TEX2: variants seen among roughly 807,000 people sequenced by gnomAD.
The protein encoded by TEX2 is testis expressed 2.
In TEX2, 53 loss-of-function variants were observed where a neutral mutation model predicts 106.9. That is an observed-to-expected ratio of 0.50 (90% CI 0.40 to 0.62). The LOEUF (loss-of-function observed/expected upper bound fraction) is 0.62. TEX2 is among the 20% of genes least tolerant of loss of function. The probability of loss-of-function intolerance (pLI) is 0.00; values close to 1 mark genes in which losing one functional copy is unlikely to be tolerated. For synonymous variants in TEX2, 523 were observed against 534.8 expected, an observed-to-expected ratio of 0.98 and a Z score of 0.30; for missense variants, 1,207 against 1,379.0, an observed-to-expected ratio of 0.88 and a Z score of 1.98.
At chr17:64,191,635 A>T (rs918394186) in intron 4 of TEX2, among the ~76,000 whole-genome samples, 1 of 152,074 alleles carries the variant, frequency 6.6e-6, no homozygotes, top group Non-Finnish European at 1.5e-5. Flanking sequence ...TGACCAACAT[A>T]GTGAAATCCT....
At chr17:64,234,382 T>C (rs568715195) in intron 1 of TEX2, among the ~76,000 whole-genome samples, 14 of 152,230 alleles carry the variant, frequency 9.2e-5, no homozygotes, top group Non-Finnish European at 1.9e-4. Flanking sequence ...TGATTAGCGT[T>C]GAGTTTGTTG....
Position 64,242,605 on chromosome 17 carries a change from G to A in TEX2, c.-26+20563C>T, listed in dbSNP as rs111517818. 7.7e-3 allele frequency among the ~76,000 whole-genome samples: 1,172 copies of A among 152,166 alleles called. 15 individuals are homozygous for A. Among genetic ancestry groups the A allele is most frequent in the African/African-American group, 0.026 (1,093 of 41,504 alleles). On this transcript the variant is annotated intron_variant, in intron 1 of 11. Coordinates refer to ENST00000584379, the MANE Select transcript of TEX2 (RefSeq NM_001288732.2). ...AGAGGACTGCAGTTTCAGACCTGTG[G>A]TGCCAGGGCCTGCCTCTGAACCAGA... is the stretch of plus-strand genomic sequence containing the variant.
At chr17:64,166,492 G>A (rs868762553) in intron 7 of TEX2, among the ~76,000 whole-genome samples, 14 of 152,208 alleles carry the variant, frequency 9.2e-5, no homozygotes, top group Middle Eastern at 3.2e-3. Context: ...CTGCTGACCC[G>A]GGCAAGTCAC....
At position 64,161,961 on chromosome 17, in the gene TEX2, C is replaced by T. The variant is rs561375399; in HGVS notation, c.2672-1028G>A. ...CAAGCAATTACAGTAAACAGCCCAT[C>T]CCCTACACGGCCACCACCTCAGATA... On this transcript the variant is annotated intron_variant, in intron 7 of 11. Transcript: ENST00000584379. 2.4e-4 allele frequency among the ~76,000 whole-genome samples: 37 copies of T among 152,270 alleles called. 1 individual carries two copies. The South Asian group carries it at 7.7e-3, about 32-fold the overall frequency.
chr17:64,241,692 C>A (rs943394682), intron 1 of TEX2, among the ~76,000 whole-genome samples: 1 of 152,034 alleles, frequency 6.6e-6, no homozygotes, highest in Admixed American at 6.5e-5. Context: ...GGAGTGCACT[C>A]GTGCGATCAT....
rs781859721 is a variant in TEX2, at chr17:64,239,904, A to AAG, written c.-26+23263_-26+23264insCT. Among the ~76,000 whole-genome samples, 1,180 of 118,828 alleles carry AAG rather than the reference A, an allele frequency of 9.9e-3. 80 individuals are homozygous for AAG. Among genetic ancestry groups the AAG allele is most frequent in the Non-Finnish European group, 0.018 (978 of 55,330 alleles). 78.0% of individuals were successfully genotyped at this position (118,828 alleles called of 152,430 possible). A position where few individuals can be genotyped will look rare whatever the true frequency, so the allele number is the denominator to read the frequency against. On this transcript the variant is annotated intron_variant, in intron 1 of 11. Transcript: ENST00000584379. Reference sequence around the variant, plus strand: ...AAAAAAAAAAAAAAAAAAAAAAAAAAGCAGAGAAGATAAGAGAAGAGAAAT... The same window carrying AAG: ...AAAAAAAAAAAAAAAAAAAAAAAAAAAGGCAGAGAAGATAAGAGAAGAGAAAT...
At chr17:64,229,242 C>G (rs2033597154) in intron 1 of TEX2, among the ~76,000 whole-genome samples, 1 of 152,210 alleles carries the variant, frequency 6.6e-6, no homozygotes, top group Admixed American at 6.5e-5. Flanking sequence ...AAATGTCCAC[C>G]TTCAACCCTG....
chr17:64,204,869 A>G (rs1415062140), intron 2 of TEX2, among the ~76,000 whole-genome samples: 4 of 152,242 alleles, frequency 2.6e-5, no homozygotes, highest in South Asian at 2.1e-4. Context: ...CAGCCATGCC[A>G]TAAGTTAATG....
chr17:64,259,007 C>A (rs1470689700), intron 1 of TEX2, among the ~76,000 whole-genome samples: 1 of 152,178 alleles, frequency 6.6e-6, no homozygotes, highest in African/African-American at 2.4e-5. Context: ...ATCCGCCTCC[C>A]AAAGTGCTGG....
In TEX2 at chr17:64,149,147, C is replaced by T. The variant is rs556561974; in HGVS notation, c.3262-56G>A. On this transcript the variant is annotated intron_variant, in intron 11 of 11. Transcript: ENST00000584379. Reference sequence around the variant, plus strand: ...GGAAGAATGCCTTGCCAGGCTGTCACCCTCCTTTGTTCTGATAATTTTAGG... The same window carrying T: ...GGAAGAATGCCTTGCCAGGCTGTCATCCTCCTTTGTTCTGATAATTTTAGG... 155 of 1,593,856 alleles carry T rather than the reference C, an allele frequency of 9.7e-5. 1 individual carries two copies. In the South Asian group the frequency reaches 1.6e-3, roughly 17 times the overall value.
intron 8 of TEX2, 150 bp downstream of exon 8, chr17:64,160,651 C>CTT (rs2030840144): frequency 9.6e-7 from 1 of 1,044,182 alleles, no homozygotes; most frequent in Admixed American, 2.4e-5. Flanking sequence ...ACTAGGAAAC[C>CTT]ATTCCCTGAA....
At chr17:64,218,658 C>T (rs1233274038) in intron 1 of TEX2, among the ~76,000 whole-genome samples, 1 of 152,038 alleles carries the variant, frequency 6.6e-6, no homozygotes, top group Admixed American at 6.6e-5. Flanking sequence ...ACCTTGTGAT[C>T]CACCAATCTT....
At chr17:64,149,924 A>C (rs2030262694) in intron 11 of TEX2, 1 of 151,758 alleles carries the variant, frequency 6.6e-6, no homozygotes, top group South Asian at 2.1e-4. Context: ...TCTTAAAAAA[A>C]AAAAAAAAAA....
At chr17:64,208,620 C>T (rs574296406) in intron 2 of TEX2, among the ~76,000 whole-genome samples, 1 of 151,194 alleles carries the variant, frequency 6.6e-6, no homozygotes, top group Non-Finnish European at 1.5e-5. Context: ...AAGCAAGCAT[C>T]AAGGATTTAT....
chr17:64,206,513 G>A (rs1209361135), intron 2 of TEX2, among the ~76,000 whole-genome samples: 3 of 150,870 alleles, frequency 2.0e-5, no homozygotes, highest in African/African-American at 4.9e-5. Context: ...TTCTTCTGTG[G>A]ACTTTGTGAC....
Position 64,153,175 on chromosome 17 carries a change from G to A in TEX2, c.2931-21C>T, listed in dbSNP as rs1490927865. 1 of 1,583,964 alleles carries A rather than the reference G, an allele frequency of 6.3e-7. No individual in the cohort carries two copies. Among genetic ancestry groups the A allele is most frequent in the Non-Finnish European group, 8.7e-7 (1 of 1,155,780 alleles). Reference sequence around the variant, plus strand: ...CGTACCTTCAAATGTGGAACACAAAGGGCGGTTAGCACAAACTTTGCTCTT... The same window carrying A: ...CGTACCTTCAAATGTGGAACACAAAAGGCGGTTAGCACAAACTTTGCTCTT... On this transcript the variant is annotated intron_variant, in intron 9 of 11. Coordinates refer to ENST00000584379, the MANE Select transcript of TEX2 (RefSeq NM_001288732.2). This position sits in a 1 kb window ranked among gnomAD's most constrained non-coding sequence, Gnocchi z 4.1.
At chr17:64,220,722 G>A (rs1430541321) in intron 1 of TEX2, among the ~76,000 whole-genome samples, 3 of 152,186 alleles carry the variant, frequency 2.0e-5, no homozygotes, top group East Asian at 3.8e-4. Context: ...TGAGACTGTG[G>A]AGAAATAGGA....
At position 64,193,733 on chromosome 17, in the gene TEX2, G is replaced by GCT. The variant is rs780632693; in HGVS notation, c.2001_2002insAG (p.Pro668SerfsTer44). The GCT allele has an allele frequency of 2.5e-6, 4 of 1,613,102 alleles. No individual in the cohort carries two copies. The African/African-American group carries it at 5.3e-5, about 22-fold the overall frequency. On this transcript the variant is annotated frameshift_variant, in exon 4 of 12. Transcript: ENST00000584379. LOFTEE classifies it high-confidence loss of function. ...TCCTGAGGGCGGGGTGGCTTCTTAG[G>GCT]GTCCTCACTTCCCTCAGCTGGCGGC...
rs368365701 is a variant in TEX2 at position 64,213,612 on chromosome 17, T to G, written c.606A>C (p.Lys202Asn). Residue 202 changes from lysine to asparagine, a missense_variant, in exon 2 of 12, where the codon AAA becomes AAC. Lys to Asn is a moderately conservative substitution (Grantham distance 94). This residue lies in a region of TEX2 where 1,067 missense variants were observed against 1,193.6 expected (regional missense o/e 0.89). Coordinates refer to ENST00000584379, the MANE Select transcript of TEX2 (RefSeq NM_001288732.2). This position sits in a 1 kb window ranked among gnomAD's most constrained non-coding sequence, Gnocchi z 4.4. ...TGTGCCTTGCGGGGTGTGGGGATTC[T>G]TTTGGCTCCACCTCGGTCGACAGGG... ...VKSLSTEVEPKESPHPARHRH... is the reference protein window; with the variant it reads ...VKSLSTEVEPNESPHPARHRH... 2 of 1,614,108 alleles carry G rather than the reference T, an allele frequency of 1.2e-6. No individual in the cohort carries two copies. The highest frequency in any genetic ancestry group is 1.7e-6 in the Non-Finnish European group (2 of 1,179,970).
Sources: allele counts gnomAD v4.1 joint callset (sites outside exome capture counted in the v4.1 genomes callset), GRCh38; gene constraint gnomAD v4.1.1; regional missense constraint gnomAD v4.1.1; non-coding constraint Gnocchi (gnomAD v3.1); transcripts MANE v1.5; gene names NCBI Gene and HGNC (gene_info 2026-07-23, HGNC 2026-07-21).